The following NBEA variants were observed in gnomAD, a reference collection of about 807,000 sequenced individuals.
NBEA encodes neurobeachin.
NBEA carries 44 observed loss-of-function variants against 343.4 expected under a neutral mutation model. That is an observed-to-expected ratio of 0.13 (90% CI 0.10 to 0.16). The LOEUF is 0.16. Ranked by LOEUF, NBEA falls within the 10% of genes least tolerant of loss-of-function variation. The pLI is 1.00. For synonymous variants in NBEA, 1,175 were observed against 1,238.7 expected (o/e 0.95, Z 1.08); for missense variants, 2,555 against 3,631.3 (o/e 0.70, Z 7.62).
chr13:35,402,808 A>T (rs1303560228), intron 38 of NBEA, among the ~76,000 whole-genome samples: 1 of 152,136 alleles, frequency 6.6e-6, no homozygotes, highest in Admixed American at 6.6e-5. Context: ...ATGATTGCAT[A>T]GCCTAAAGCA....
intron 2 of NBEA, among the ~76,000 whole-genome samples, chr13:35,043,482 G>A (rs111604988): frequency 8.6e-5 from 13 of 151,724 alleles, no homozygotes; most frequent in African/African-American, 3.1e-4. Context: ...ACATTAAATG[G>A]ACTAAGAAAA....
In NBEA at chr13:35,199,223, A is replaced by G. The variant is rs1401192645; in HGVS notation, c.5366+2921A>G. 6.6e-5 allele frequency among the ~76,000 whole-genome samples: 10 copies of G among 152,272 alleles called. No individual in the cohort carries two copies. The East Asian group carries it at 1.9e-3, about 29-fold the overall frequency. On this transcript the variant is annotated intron_variant, in intron 31 of 58. Transcript: ENST00000379939. ...GCTACCATTTGCCTTATCTGTCTTA[A>G]GGTAGCTATAATTACATTATGAGGT...
chr13:35,487,231 A>G (rs2076335687), intron 41 of NBEA, among the ~76,000 whole-genome samples: 1 of 151,926 alleles, frequency 6.6e-6, no homozygotes, highest in Non-Finnish European at 1.5e-5. Context: ...AATTTTTTCA[A>G]TGATACATAT....
At chr13:35,195,606 A>G (rs2072531235) in intron 30 of NBEA, among the ~76,000 whole-genome samples, 2 of 152,032 alleles carry the variant, frequency 1.3e-5, no homozygotes, top group African/African-American at 4.8e-5. Context: ...CATGTTGGCC[A>G]GGCTGGTCTC....
chr13:34,955,938 A>C (rs899622638), intron 1 of NBEA, among the ~76,000 whole-genome samples: 2 of 152,196 alleles, frequency 1.3e-5, no homozygotes, highest in Admixed American at 1.3e-4. Flanking sequence ...AATGAAATAC[A>C]TGGGCATTCT....
chr13:35,199,964 T>C (rs2072902334), intron 31 of NBEA, among the ~76,000 whole-genome samples: 1 of 152,062 alleles, frequency 6.6e-6, no homozygotes, highest in South Asian at 2.1e-4. Flanking sequence ...TGTGTACTCA[T>C]GAAGTATTAA....
chr13:35,661,217 G>A (rs917365648), intron 55 of NBEA, among the ~76,000 whole-genome samples: 1 of 152,166 alleles, frequency 6.6e-6, no homozygotes, highest in Non-Finnish European at 1.5e-5. Flanking sequence ...GGGTGTCTGG[G>A]CTTTACGCAG....
At chr13:35,391,499 G>A (rs925692282) in intron 38 of NBEA, among the ~76,000 whole-genome samples, 2 of 152,048 alleles carry the variant, frequency 1.3e-5, no homozygotes, top group African/African-American at 4.8e-5. Context: ...TAATGAAGAT[G>A]GTTAAAGATT....
At chr13:35,331,911 G>C (rs1199812502) in intron 36 of NBEA, among the ~76,000 whole-genome samples, 1 of 151,934 alleles carries the variant, frequency 6.6e-6, no homozygotes, top group African/African-American at 2.4e-5. Context: ...TTCTGTAATA[G>C]CTATTCTTAA....
chr13:35,648,129 G>T (rs565016406), intron 51 of NBEA, among the ~76,000 whole-genome samples: 3 of 150,566 alleles, frequency 2.0e-5, no homozygotes, highest in Admixed American at 1.3e-4. Context: ...CTCCCAAAGC[G>T]CTGGGAATAC....
intron 41 of NBEA, among the ~76,000 whole-genome samples, chr13:35,481,438 T>A (rs925943318): frequency 6.6e-6 from 1 of 151,810 alleles, no homozygotes; most frequent in Non-Finnish European, 1.5e-5. Context: ...CAGGATGTTT[T>A]CAGTTGTATC....
At chr13:35,010,690 G>A (rs1330510257) in intron 1 of NBEA, among the ~76,000 whole-genome samples, 1 of 124,864 alleles carries the variant, frequency 8.0e-6, no homozygotes. Context: ...GGGAATTCAA[G>A]ACCAGCCTGG....
chr13:34,970,573 G>C (rs1235050275), intron 1 of NBEA, among the ~76,000 whole-genome samples: 2 of 152,052 alleles, frequency 1.3e-5, no homozygotes, highest in African/African-American at 2.4e-5. Flanking sequence ...TAAAAGGAAG[G>C]AGTCCAGTTT....
intron 17 of NBEA, 45 bp from the exon 18 acceptor site, chr13:35,142,224 A>C (rs1361775738): frequency 8.1e-7 from 1 of 1,230,782 alleles, no homozygotes; most frequent in Admixed American, 1.7e-5. Context: ...TGATCGGAGA[A>C]TCCAATGTGT....
chr13:35,007,012 C>T (rs1400528459), intron 1 of NBEA, among the ~76,000 whole-genome samples: 6 of 152,210 alleles, frequency 3.9e-5, no homozygotes, highest in Admixed American at 6.5e-5. Flanking sequence ...GAAGGTAATA[C>T]ATCTTTTTCT....
At chr13:35,377,004 T>C (rs1432115541) in intron 38 of NBEA, among the ~76,000 whole-genome samples, 1 of 152,172 alleles carries the variant, frequency 6.6e-6, no homozygotes, top group Non-Finnish European at 1.5e-5. Flanking sequence ...CTATTATAGT[T>C]ACATACCCTT....
At chr13:34,991,037 A>G (rs2060733051) in intron 1 of NBEA, among the ~76,000 whole-genome samples, 1 of 152,184 alleles carries the variant, frequency 6.6e-6, no homozygotes, top group Non-Finnish European at 1.5e-5. Context: ...TAAGTTCCTC[A>G]TCTGAGACTA....
intron 1 of NBEA, among the ~76,000 whole-genome samples, chr13:34,993,754 G>A (rs2060841290): frequency 6.6e-6 from 1 of 152,150 alleles, no homozygotes; most frequent in Admixed American, 6.5e-5. Context: ...TGTCCAATAT[G>A]CACTTAGTCT....
intron 47 of NBEA, among the ~76,000 whole-genome samples, chr13:35,603,789 C>G (rs1048137504): frequency 6.6e-6 from 1 of 152,148 alleles, no homozygotes; most frequent in Non-Finnish European, 1.5e-5. Context: ...AGCAGCTGCA[C>G]AAGCTTACGT....
Sources: allele counts gnomAD v4.1 joint callset (sites outside exome capture counted in the v4.1 genomes callset), GRCh38; gene constraint gnomAD v4.1.1; transcripts MANE v1.5; gene names NCBI Gene and HGNC (gene_info 2026-07-23, HGNC 2026-07-21).